RASAL1: variants seen among roughly 807,000 people sequenced by gnomAD.
The protein encoded by RASAL1 is RAS protein activator like 1, also known as rasGAP-activating-like protein 1.
Under a neutral mutation model 96.6 loss-of-function variants are expected in RASAL1, and 72 were observed. The observed-to-expected ratio is 0.75, with a 90% CI of 0.62 to 0.91. The LOEUF (loss-of-function observed/expected upper bound fraction) is 0.91. Among genes scored for constraint, RASAL1 ranks in the 40% least tolerant of loss-of-function variants. The pLI, the probability that RASAL1 is intolerant of heterozygous loss-of-function variation, is 0.00. For synonymous variants in RASAL1, 405 were observed against 430.4 expected (o/e 0.94, Z 0.73); for missense variants, 1,016 against 1,072.5 (o/e 0.95, Z 0.74).
At chr12:113,114,582 A>T (rs1218528606) in intron 12 of RASAL1, among the ~76,000 whole-genome samples, 1 of 152,132 alleles carries the variant, frequency 6.6e-6, no homozygotes, top group African/African-American at 2.4e-5. Context: ...TAAGATTTGA[A>T]CCCAGGGCGC....
chr12:113,112,360 G>A (rs1950901244), intron 12 of RASAL1, 82 bp from the exon 13 acceptor site: 9 of 1,114,870 alleles, frequency 8.1e-6, no homozygotes, highest in Non-Finnish European at 1.0e-5. Flanking sequence ...GCTGAGCTCC[G>A]AGAGGACTCA....
chr12:113,133,262 C>T (rs926943599), intron 1 of RASAL1, among the ~76,000 whole-genome samples: 2 of 152,224 alleles, frequency 1.3e-5, no homozygotes, highest in Non-Finnish European at 2.9e-5. Context: ...GACCCCTGAT[C>T]TCTCCAGACT....
intron 13 of RASAL1, among the ~76,000 whole-genome samples, 163 bp downstream of exon 13, chr12:113,111,923 T>C (rs1259644129): frequency 2.6e-5 from 4 of 152,174 alleles, no homozygotes; most frequent in Admixed American, 1.3e-4. Flanking sequence ...ACTATCATTC[T>C]TGGGACCCGG....
At chr12:113,112,438 C>A (rs1367032291) in intron 12 of RASAL1, among the ~76,000 whole-genome samples, 160 bp from the exon 13 acceptor site, 2 of 152,202 alleles carry the variant, frequency 1.3e-5, no homozygotes, top group Non-Finnish European at 2.9e-5. Context: ...TGCTTAAACA[C>A]GATGAGCTCA....
Position 113,125,708 on chromosome 12 carries a change from G to C in RASAL1, c.298+2104C>G, listed in dbSNP as rs117716873. On this transcript the variant is annotated intron_variant, in intron 4 of 20. Transcript: ENST00000548055. ...AGGGTAATTTAGCAACAACTATCAA[G>C]TATGCAAATGTGTGCACTCTTTAAT... Among the ~76,000 whole-genome samples, 97 of 152,324 alleles carry C rather than the reference G, an allele frequency of 6.4e-4. No homozygotes were observed. The East Asian group carries it at 0.018, about 28-fold the overall frequency.
At chr12:113,134,862 C>T (rs966609877) in intron 1 of RASAL1, among the ~76,000 whole-genome samples, 1 of 152,270 alleles carries the variant, frequency 6.6e-6, no homozygotes, top group Non-Finnish European at 1.5e-5. Context: ...GACTGGGGAG[C>T]TCAGGGCTTG....
Position 113,115,067 on chromosome 12 carries a change from GCAC to G in RASAL1, c.1068+130_1068+132del. ...CAGGTGCAACTCAGGGCAAGGCCGG[GCAC>G]CAGCCGCCAGCACTGCAGCTCGGCT... On this transcript the variant is annotated intron_variant, in intron 11 of 20. Transcript: ENST00000548055. The surrounding 1 kb of genome is among the most constrained non-coding windows in gnomAD (Gnocchi z 4.1). 8.7e-7 allele frequency: 1 copy of G among 1,150,910 alleles called. No homozygotes were observed. Among genetic ancestry groups the G allele is most frequent in the South Asian group, 1.3e-5 (1 of 76,884 alleles). 71.3% of individuals were successfully genotyped at this position (1,150,910 alleles called of 1,614,324 possible).
chr12:113,121,548 C>T lies in RASAL1; in HGVS notation c.389G>A (p.Gly130Glu), dbSNP rs756330082. ...ATGGCAGCGAAGGCAGCGGCCCTGCCCATCCTCCAGCATCTGCACTGACAG... is the reference window on the plus strand; with the variant it reads ...ATGGCAGCGAAGGCAGCGGCCCTGCTCATCCTCCAGCATCTGCACTGACAG... ...ICLSVQMLED[G>E]QGRCLRCHVL... Residue 130 changes from glycine to glutamate, a missense_variant, in exon 5 of 21, where the codon GGG becomes GAG. Coordinates refer to ENST00000548055, the MANE Select transcript of RASAL1 (RefSeq NM_001301202.2). The T allele has an allele frequency of 4.3e-6, 7 of 1,614,198 alleles. No individual in the cohort carries two copies. The South Asian group carries it at 4.4e-5, about 10-fold the overall frequency.
chr12:113,129,101 G>T lies in RASAL1; in HGVS notation c.123-923C>A, dbSNP rs141788578. Among the ~76,000 whole-genome samples, 164 of 152,300 alleles carry T rather than the reference G, an allele frequency of 1.1e-3. No homozygotes were observed. Among genetic ancestry groups the T allele is most frequent in the African/African-American group, 3.8e-3 (159 of 41,570 alleles). On this transcript the variant is annotated intron_variant, in intron 2 of 20. Coordinates refer to ENST00000548055, the MANE Select transcript of RASAL1 (RefSeq NM_001301202.2). This position sits in a 1 kb window ranked among gnomAD's most constrained non-coding sequence, Gnocchi z 5.0. ...GGCTCCAGGGATCAGAGGAACAGGT[G>T]TCAGGGCTGCTTACCCCACAGACCC...
At chr12:113,127,364 G>A (rs1951522739) in intron 4 of RASAL1, among the ~76,000 whole-genome samples, 1 of 152,204 alleles carries the variant, frequency 6.6e-6, no homozygotes, top group African/African-American at 2.4e-5. Flanking sequence ...CTAAAGACAA[G>A]GCTGGGCATA....
chr12:113,106,799 C>T (rs558667883), intron 15 of RASAL1, among the ~76,000 whole-genome samples: 1 of 152,326 alleles, frequency 6.6e-6, no homozygotes, highest in East Asian at 1.9e-4. Flanking sequence ...TCCCCAGCAC[C>T]TAGAACTGTG....
chr12:113,107,237 A>C lies in RASAL1; in HGVS notation c.1517T>G (p.Val506Gly). ...CTGGCCCAGGTTTCCAATGCTCTGC[A>C]CAGCCTGGAGCAAAGAAGCGAGGGA... Reference protein sequence around the residue: ...SRSLLLLAKAVQSIGNLGQQL... With the variant: ...SRSLLLLAKAGQSIGNLGQQL... Residue 506 changes from valine (V) to glycine (G), a missense_variant, in exon 15 of 21, where the codon GTG (valine) becomes GGG (glycine). Physicochemically the swap from Val to Gly is moderately radical, Grantham distance 109 (BLOSUM62 -3). Coordinates refer to ENST00000548055, the MANE Select transcript of RASAL1 (RefSeq NM_001301202.2). 6.2e-7 allele frequency: 1 copy of C among 1,605,300 alleles called. No individual in the cohort carries two copies. The highest frequency in any genetic ancestry group is 8.5e-7 in the Non-Finnish European group (1 of 1,175,356).
At chr12:113,128,490 AAC>A (rs149978369) in intron 2 of RASAL1, among the ~76,000 whole-genome samples, 80 of 138,162 alleles carry the variant, frequency 5.8e-4, no homozygotes, top group African/African-American at 8.5e-4. Context: ...CAGAGATCTC[AAC>A]ACACACACAC....
chr12:113,135,201 C>T lies in RASAL1; in HGVS notation c.65+197G>A, dbSNP rs1951867403. On this transcript the variant is annotated intron_variant, in intron 1 of 20. Coordinates refer to ENST00000548055, the MANE Select transcript of RASAL1 (RefSeq NM_001301202.2). The surrounding 1 kb of genome is among the most constrained non-coding windows in gnomAD (Gnocchi z 5.7). ...GGGTGAGGCGGGGCATCTGCTAACT[C>T]TAGGCGCCCCCCTCCCACCGGGACA... Among the ~76,000 whole-genome samples, 1 of 152,144 alleles carries T rather than the reference C, an allele frequency of 6.6e-6. No homozygotes were observed. The highest frequency in any genetic ancestry group is 1.5e-5 in the Non-Finnish European group (1 of 68,018).
In RASAL1 at chr12:113,119,137, G is replaced by T. The variant is rs1951191589; in HGVS notation, c.633C>A (p.Phe211Leu). Residue 211 changes from phenylalanine to leucine, a missense_variant, in exon 7 of 21, where the codon TTC becomes TTA. By Grantham distance (22) the Phe-to-Leu change is conservative (BLOSUM62 0). Transcript: ENST00000548055. The stretch of plus-strand genomic sequence containing the variant: ...AGGGAATGAGGCTCACCATGCCCAA[G>T]AAGTCATTCTTGCCCACCATGTCCC... ...WDWDMVGKNDFLGMVEFSPKT... is the reference protein window; with the variant it reads ...WDWDMVGKNDLLGMVEFSPKT... 1 of 1,609,726 alleles carries T rather than the reference G, an allele frequency of 6.2e-7. No homozygotes were observed. Among genetic ancestry groups the T allele is most frequent in the African/African-American group, 1.3e-5 (1 of 74,910 alleles).
At chr12:113,112,048 C>T in intron 13 of RASAL1, 38 bp downstream of exon 13, 3 of 1,231,968 alleles carry the variant, frequency 2.4e-6, no homozygotes, top group African/African-American at 1.6e-5. Flanking sequence ...GGACAAGCTC[C>T]GGCCTGTCCC....
In RASAL1 at chr12:113,112,167, C is replaced by T. The variant is rs1040723948; in HGVS notation, c.1293G>A (p.Gly431=). 4.2e-5 allele frequency: 53 copies of T among 1,254,574 alleles called. No individual in the cohort carries two copies. Among genetic ancestry groups the T allele is most frequent in the Non-Finnish European group, 5.0e-5 (50 of 992,008 alleles). The allele number at this position is 1,254,574 out of a possible 1,614,324, so 77.7% of individuals were successfully genotyped here. The change falls in exon 13 of 21, where the codon GGG becomes GGA. Residue 431 remains glycine (G), a synonymous_variant. Coordinates refer to ENST00000548055, the MANE Select transcript of RASAL1 (RefSeq NM_001301202.2). ...CGAGGCGCATGGCGGGCGGGCAGCG[C>T]CCCACGGAGCCCACGATGGCGTCCA... ...PIVDAIVGSV[G]RCPPAMRLAF...
chr12:113,126,688 T>TCTCACACACACACA (rs372157451), intron 4 of RASAL1, among the ~76,000 whole-genome samples: 1 of 138,944 alleles, frequency 7.2e-6, no homozygotes, highest in African/African-American at 2.6e-5. Context: ...TCTCTCTCTC[T>TCTCACACACACACA]CACACACACA....
intron 4 of RASAL1, among the ~76,000 whole-genome samples, chr12:113,127,475 G>A (rs138152363): frequency 6.6e-6 from 1 of 152,096 alleles, no homozygotes; most frequent in African/African-American, 2.4e-5. Flanking sequence ...GCAAGACTCC[G>A]TATCTATAAG....
Sources: gnomAD v4.1 joint callset for allele counts (sites outside exome capture counted in the v4.1 genomes callset) on GRCh38, gnomAD v4.1.1 for gene constraint, Gnocchi (gnomAD v3.1) non-coding constraint, MANE v1.5 for transcripts, NCBI Gene and HGNC (gene_info 2026-07-23, HGNC 2026-07-21) for gene names.